Variants in FRMD4A observed in about 807,000 individuals in gnomAD.
FRMD4A encodes FERM domain-containing protein 4A.
FRMD4A carries 29 observed loss-of-function variants against 129.1 expected under a neutral mutation model. The ratio of observed to expected loss-of-function variants is 0.22; its 90% CI spans 0.17 to 0.31. The LOEUF (loss-of-function observed/expected upper bound fraction) is 0.31, where lower values mean the gene tolerates loss of function less well. FRMD4A is among the 10% of genes least tolerant of loss of function. The pLI is 1.00. For missense variants in FRMD4A, 1,272 were observed against 1,375.8 expected (o/e 0.92, Z 1.19); for synonymous variants, 634 against 571.6 (o/e 1.11, Z -1.56).
chr10:14,014,263 C>T (rs952733846), intron 2 of FRMD4A, among the ~76,000 whole-genome samples: 36 of 152,296 alleles, frequency 2.4e-4, no homozygotes, highest in African/African-American at 7.2e-4. Context: ...CCAAAACACA[C>T]GCAAGAAGAA....
At chr10:14,237,025 G>A (rs1169449775) in intron 2 of FRMD4A, among the ~76,000 whole-genome samples, 2 of 130,370 alleles carry the variant, frequency 1.5e-5, no homozygotes, top group Admixed American at 7.5e-5. Flanking sequence ...AAAAAAAATC[G>A]GTTTTTAAAA....
intron 2 of FRMD4A, among the ~76,000 whole-genome samples, chr10:14,226,572 C>T (rs1277122357): frequency 1.3e-5 from 2 of 152,158 alleles, no homozygotes; most frequent in East Asian, 3.8e-4. Context: ...CTCTTCTGGG[C>T]TGGTAGATGG....
chr10:13,886,432 CGGACTTTAAGGTTGGTAAT>C (rs1018981570), intron 2 of FRMD4A, among the ~76,000 whole-genome samples: 1 of 152,080 alleles, frequency 6.6e-6, no homozygotes, highest in Non-Finnish European at 1.5e-5. Flanking sequence ...ACCAGGACTC[CGGACTTTAAGGTTGGTAAT>C]GCATTACTAA....
At chr10:14,246,247 G>C (rs577790348) in intron 2 of FRMD4A, among the ~76,000 whole-genome samples, 4 of 152,052 alleles carry the variant, frequency 2.6e-5, no homozygotes. Context: ...AGAGATGGGG[G>C]CAAAATCAAT....
intron 2 of FRMD4A, among the ~76,000 whole-genome samples, chr10:14,153,862 T>C (rs183842338): frequency 1.3e-5 from 2 of 152,330 alleles, no homozygotes; most frequent in African/African-American, 2.4e-5. Flanking sequence ...CAATCAATCG[T>C]TCTTTCCTAA....
intron 2 of FRMD4A, among the ~76,000 whole-genome samples, chr10:14,250,717 AC>A (rs1348683151): frequency 2.0e-5 from 3 of 152,082 alleles, no homozygotes; most frequent in Non-Finnish European, 2.9e-5. Flanking sequence ...TTTAGCAAAA[AC>A]GACACATTTC....
chr10:14,047,798 G>A (rs906028846), intron 2 of FRMD4A, among the ~76,000 whole-genome samples: 3 of 152,292 alleles, frequency 2.0e-5, no homozygotes, highest in East Asian at 3.9e-4. Context: ...GTGGCAAAGC[G>A]GTGACTTGGA....
At chr10:14,058,286 C>A (rs1834637700) in intron 2 of FRMD4A, among the ~76,000 whole-genome samples, 1 of 152,134 alleles carries the variant, frequency 6.6e-6, no homozygotes, top group African/African-American at 2.4e-5. Context: ...GAGTTACACA[C>A]CTATTGCTTT....
Position 13,647,049 on chromosome 10 carries a change from A to C in FRMD4A, c.*3-14T>G. 1 of 774,054 alleles carries C rather than the reference A, an allele frequency of 1.3e-6. No individual in the cohort carries two copies. The highest frequency in any genetic ancestry group is 1.6e-6 in the Non-Finnish European group (1 of 636,992). 47.9% of individuals were successfully genotyped at this position (774,054 alleles called of 1,614,324 possible). A position where few individuals can be genotyped will look rare whatever the true frequency, so the allele number is the denominator to read the frequency against. ...TCATTGTAGCTCCTGTGGGAGGCCC[A>C]AGAAAGGAGATGAGACAGTTAGTTA... On this transcript the variant is annotated splice_polypyrimidine_tract_variant and intron_variant, in intron 24 of 24. Coordinates refer to ENST00000357447, the MANE Select transcript of FRMD4A (RefSeq NM_018027.5).
intron 2 of FRMD4A, among the ~76,000 whole-genome samples, chr10:14,248,531 G>T (rs531476873): frequency 6.6e-6 from 1 of 152,100 alleles, no homozygotes; most frequent in African/African-American, 2.4e-5. Flanking sequence ...TTTGAGATGT[G>T]GCACACTGTC....
chr10:13,649,378 T>C (rs1287270131), intron 24 of FRMD4A: 3 of 150,552 alleles, frequency 2.0e-5, no homozygotes, highest in Non-Finnish European at 4.5e-5. Context: ...GGTGTTCTCC[T>C]GTGGTTCATT....
intron 3 of FRMD4A, among the ~76,000 whole-genome samples, chr10:13,844,728 T>C (rs764647964): frequency 1.6e-4 from 25 of 152,210 alleles, no homozygotes; most frequent in Non-Finnish European, 3.2e-4. Context: ...CTCCAGGGAA[T>C]GGTCAAAGAT....
chr10:13,730,983 G>A (rs1025138636), intron 12 of FRMD4A, among the ~76,000 whole-genome samples: 9 of 150,814 alleles, frequency 6.0e-5, no homozygotes, highest in Admixed American at 3.3e-4. Context: ...AGCCAATATC[G>A]TGCCACTGCA....
At chr10:13,975,402 T>G (rs1392069268) in intron 2 of FRMD4A, among the ~76,000 whole-genome samples, 1 of 152,138 alleles carries the variant, frequency 6.6e-6, no homozygotes, top group Non-Finnish European at 1.5e-5. Context: ...TCTCTGTGTG[T>G]GTGTCTGTGC....
intron 2 of FRMD4A, among the ~76,000 whole-genome samples, chr10:13,993,473 G>T (rs145412777): frequency 3.1e-4 from 47 of 152,296 alleles, no homozygotes; most frequent in Non-Finnish European, 4.1e-4. Flanking sequence ...TGGCTCTTGT[G>T]CAATCTCTAG....
At position 13,796,601 on chromosome 10, in the gene FRMD4A, G is replaced by C. The variant is rs2093123731; in HGVS notation, c.207-13C>G. ...GTTTAAGTGTCCCCTGAAGAAAATA[G>C]AGACAAATTGGTTAGGGGTTTGCAT... is the stretch of plus-strand genomic sequence containing the variant. On this transcript the variant is annotated splice_polypyrimidine_tract_variant and intron_variant, in intron 4 of 24. Transcript: ENST00000357447. 1 of 1,472,120 alleles carries C rather than the reference G, an allele frequency of 6.8e-7. No homozygotes were observed. The highest frequency in any genetic ancestry group is 9.5e-7 in the Non-Finnish European group (1 of 1,050,658). 91.2% of individuals were successfully genotyped at this position (1,472,120 alleles called of 1,614,324 possible). A position where few individuals can be genotyped will look rare whatever the true frequency, so the allele number is the denominator to read the frequency against.
Position 14,055,474 on chromosome 10 carries a change from C to A in FRMD4A, c.46-196562G>T, listed in dbSNP as rs200480684. Among the ~76,000 whole-genome samples the A allele has an allele frequency of 6.9e-3, 936 of 134,818 alleles. 10 individuals carry two copies. Among genetic ancestry groups the A allele is most frequent in the East Asian group, 0.029 (129 of 4,388 alleles). The allele number at this position is 134,818 out of a possible 152,430, so 88.4% of individuals were successfully genotyped here. A position where few individuals can be genotyped will look rare whatever the true frequency, so the allele number is the denominator to read the frequency against. On this transcript the variant is annotated intron_variant, in intron 2 of 24. Coordinates refer to ENST00000357447, the MANE Select transcript of FRMD4A (RefSeq NM_018027.5). ...ACACACACACACAAACACACACACA[C>A]ACACACACACACACACACACACACT...
chr10:14,106,946 A>G (rs918057815), intron 2 of FRMD4A, among the ~76,000 whole-genome samples: 3 of 152,206 alleles, frequency 2.0e-5, no homozygotes, highest in African/African-American at 7.2e-5. Flanking sequence ...CATGGACTCA[A>G]CCTAAGTGCC....
At chr10:13,740,015 G>A (rs1163638779) in intron 11 of FRMD4A, among the ~76,000 whole-genome samples, 179 bp downstream of exon 11, 11 of 152,190 alleles carry the variant, frequency 7.2e-5, no homozygotes, top group East Asian at 1.9e-4. Flanking sequence ...TAGGAGAATC[G>A]CTTGAACCCG....
Sources: allele counts gnomAD v4.1 joint callset (sites outside exome capture counted in the v4.1 genomes callset), GRCh38; gene constraint gnomAD v4.1.1; transcripts MANE v1.5; gene names NCBI Gene and HGNC (gene_info 2026-07-23, HGNC 2026-07-21).